The following JPH2 variants were observed in gnomAD, a reference collection of about 807,000 sequenced individuals.
JPH2 encodes junctophilin-2.
JPH2 carries 38 observed loss-of-function variants against 55.9 expected under a neutral mutation model. The ratio of observed to expected loss-of-function variants is 0.68; its 90% CI spans 0.52 to 0.89. The LOEUF is 0.89. Ranked by LOEUF, JPH2 falls within the 40% of genes least tolerant of loss-of-function variation. JPH2 has a pLI of 0.00. For synonymous variants in JPH2, 480 were observed against 472.4 expected (o/e 1.02, Z -0.21); for missense variants, 964 against 1,037.6 (o/e 0.93, Z 0.97).
rs1569180881 is a variant in JPH2, at chr20:44,115,897, T to C, written c.1778A>G (p.Glu593Gly). 2 of 1,576,994 alleles carry C rather than the reference T, an allele frequency of 1.3e-6. No homozygotes were observed. Among genetic ancestry groups the C allele is most frequent in the Non-Finnish European group, 1.7e-6 (2 of 1,167,778 alleles). ...GGTGGCCGGGGACGAGGGCGCGGAC[T>C]CGGACCCGGAGACCTCGGGCTCGGG... ...DQPEPEVSGS[E>G]SAPSSPATAP... is the part of the protein sequence containing the mutation. Residue 593 changes from glutamate to glycine, a missense_variant, in exon 4 of 6, where the codon GAG becomes GGG. Glu to Gly is a moderately conservative substitution (Grantham distance 98, BLOSUM62 -2). Transcript: ENST00000372980.
chr20:44,114,891 G>A lies in JPH2; in HGVS notation c.2011-15C>T, dbSNP rs755656916. On this transcript the variant is annotated splice_polypyrimidine_tract_variant and intron_variant, in intron 4 of 5. Transcript: ENST00000372980. Reference sequence around the variant, plus strand: ...GTGTTGGGGACCTGGGAGCAGTGGAGAGAGGCTTCCTGAGTCCCCATGGCC... The same window carrying A: ...GTGTTGGGGACCTGGGAGCAGTGGAAAGAGGCTTCCTGAGTCCCCATGGCC... 110 of 1,589,658 alleles carry A rather than the reference G, an allele frequency of 6.9e-5. No individual in the cohort carries two copies. Among genetic ancestry groups the A allele is most frequent in the Middle Eastern group, 1.7e-4 (1 of 6,042 alleles).
At chr20:44,154,377 C>T (rs886908172) in intron 2 of JPH2, among the ~76,000 whole-genome samples, 1 of 152,192 alleles carries the variant, frequency 6.6e-6, no homozygotes, top group African/African-American at 2.4e-5. Flanking sequence ...ACATTCTTTT[C>T]ATACTAAGTA....
rs1569194248 is a variant in JPH2 at position 44,134,467 on chromosome 20, T to TATAATATATATTTATTAATATATA, written c.1170-15845_1170-15844insTATATATTAATAAATATATATTAT. 2.1e-3 allele frequency among the ~76,000 whole-genome samples: 4 copies of TATAATATATATTTATTAATATATA among 1,904 alleles called. 2 individuals are homozygous for TATAATATATATTTATTAATATATA. The highest frequency in any genetic ancestry group is 8.4e-3 in the African/African-American group (2 of 238). The allele number at this position is 1,904 out of a possible 152,430, so 1.2% of individuals were successfully genotyped here. A position where few individuals can be genotyped will look rare whatever the true frequency, so the allele number is the denominator to read the frequency against. ...TAAATATATATTTATTATAAATATA[T>TATAATATATATTTATTAATATATA]ATAAATATATATTTATAATATATAT... is the stretch of plus-strand genomic sequence containing the variant. On this transcript the variant is annotated intron_variant, in intron 2 of 5. Coordinates refer to ENST00000372980, the MANE Select transcript of JPH2 (RefSeq NM_020433.5).
chr20:44,127,898 C>A (rs1032589500), intron 2 of JPH2, among the ~76,000 whole-genome samples: 4 of 152,162 alleles, frequency 2.6e-5, no homozygotes, highest in African/African-American at 9.7e-5. Context: ...CTATGTGCTT[C>A]ACGGCTGCTT....
At chr20:44,118,159 G>C (rs2072207568) in intron 3 of JPH2, among the ~76,000 whole-genome samples, 1 of 152,080 alleles carries the variant, frequency 6.6e-6, no homozygotes, top group Non-Finnish European at 1.5e-5. Context: ...CTCAATGCTT[G>C]ACTGAAACTG....
At chr20:44,143,291 G>A (rs2072471246) in intron 2 of JPH2, among the ~76,000 whole-genome samples, 1 of 152,112 alleles carries the variant, frequency 6.6e-6, no homozygotes, top group Non-Finnish European at 1.5e-5. Flanking sequence ...AACACCCCCG[G>A]TGCCTGCCTC....
intron 1 of JPH2, among the ~76,000 whole-genome samples, chr20:44,179,139 A>T (rs531876853): frequency 6.6e-6 from 1 of 152,350 alleles, no homozygotes; most frequent in South Asian, 2.1e-4. Flanking sequence ...TAATAAAAGC[A>T]CTAACACATG....
rs189822195 is a variant in JPH2 at position 44,181,100 on chromosome 20, G to C, written c.379+5227C>G. On this transcript the variant is annotated intron_variant, in intron 1 of 5. Transcript: ENST00000372980. ...CAGGGTTTGGGAGGCCAGAGCTCCT[G>C]CACCAGCCCCACCTTCCCCTTCCCA... Among the ~76,000 whole-genome samples the C allele has an allele frequency of 1.4e-4, 22 of 152,222 alleles. No homozygotes were observed. The East Asian group carries it at 3.7e-3, about 25-fold the overall frequency.
In JPH2 at chr20:44,118,486, CT is replaced by C; in HGVS notation, c.1288+18del. 1 of 1,595,328 alleles carries C rather than the reference CT, an allele frequency of 6.3e-7. No homozygotes were observed. The highest frequency in any genetic ancestry group is 8.6e-7 in the Non-Finnish European group (1 of 1,165,410). On this transcript the variant is annotated intron_variant, in intron 3 of 5. Coordinates refer to ENST00000372980, the MANE Select transcript of JPH2 (RefSeq NM_020433.5). ...TAGGGATAGCCCTACCCTGCCCATCCTTCCCTGGCTGGCCCTACCTGGCTGG... is the reference window on the plus strand; with the variant it reads ...TAGGGATAGCCCTACCCTGCCCATCCTCCCTGGCTGGCCCTACCTGGCTGG...
intron 1 of JPH2, among the ~76,000 whole-genome samples, chr20:44,175,621 C>T (rs563758598): frequency 2.0e-5 from 3 of 152,294 alleles, no homozygotes; most frequent in South Asian, 4.1e-4. Flanking sequence ...CAGGTTGCAG[C>T]GGGTGGATGA....
intron 2 of JPH2, among the ~76,000 whole-genome samples, chr20:44,149,464 T>C (rs1272967077): frequency 6.6e-6 from 1 of 152,252 alleles, no homozygotes; most frequent in Admixed American, 6.5e-5. Flanking sequence ...TATGTGTGCA[T>C]GTGCATGTGT....
At chr20:44,157,341 C>T (rs1279356244) in intron 2 of JPH2, among the ~76,000 whole-genome samples, 3 of 152,138 alleles carry the variant, frequency 2.0e-5, no homozygotes, top group Non-Finnish European at 4.4e-5. Flanking sequence ...GATCCAGCTC[C>T]CTCATCCCAA....
chr20:44,165,322 T>C (rs2072648820), intron 1 of JPH2, among the ~76,000 whole-genome samples: 3 of 151,334 alleles, frequency 2.0e-5, no homozygotes, highest in African/African-American at 7.3e-5. Flanking sequence ...CAACCCAGCA[T>C]AGCATTCTGC....
rs76182424 is a variant in JPH2, at chr20:44,110,428, GTT to G, written c.*3088_*3089del. ...ATTCCAGAGTTTTGAAAACTTTTGT[GTT>G]TTTTTTTTTTTCCAGATGGAGTCTT... On this transcript the variant is annotated 3_prime_UTR_variant, in exon 6 of 6. Coordinates refer to ENST00000372980, the MANE Select transcript of JPH2 (RefSeq NM_020433.5). Among the ~76,000 whole-genome samples, 61,899 of 147,198 alleles carry G rather than the reference GTT, an allele frequency of 0.42. 13,116 individuals are homozygous for G. The highest frequency in any genetic ancestry group is 0.51 in the African/African-American group (20,540 of 40,346).
chr20:44,128,662 A>T (rs138946356), intron 2 of JPH2, among the ~76,000 whole-genome samples: 1 of 152,124 alleles, frequency 6.6e-6, no homozygotes, highest in Admixed American at 6.5e-5. Flanking sequence ...AAAAATTGCT[A>T]TTAATATTTT....
chr20:44,138,227 C>T (rs1175141994), intron 2 of JPH2, among the ~76,000 whole-genome samples: 1 of 151,978 alleles, frequency 6.6e-6, no homozygotes. Context: ...AGGCTGGTCT[C>T]GAACTCCTGA....
chr20:44,166,358 A>T (rs1198187818), intron 1 of JPH2, among the ~76,000 whole-genome samples: 3 of 152,242 alleles, frequency 2.0e-5, no homozygotes, highest in African/African-American at 7.2e-5. Context: ...AGAAATTTTT[A>T]AAAATGAAAG....
rs146125983 is a variant in JPH2, at chr20:44,160,836, C to T, written c.380-429G>A. Among the ~76,000 whole-genome samples the T allele has an allele frequency of 6.6e-6, 1 of 152,328 alleles. No individual in the cohort carries two copies. The highest frequency in any genetic ancestry group is 2.4e-5 in the African/African-American group (1 of 41,566). ...AGGTGGCTCACGCCTGTAATCCCAG[C>T]ACTTGGGAAGGTGGAGGCGGATGGA... is the stretch of plus-strand genomic sequence containing the variant. On this transcript the variant is annotated intron_variant, in intron 1 of 5. Transcript: ENST00000372980. This position sits in a 1 kb window ranked among gnomAD's most constrained non-coding sequence, Gnocchi z 4.9.
rs1273275515 is a variant in JPH2 at position 44,106,623 on chromosome 20, T to A, written c.*6895A>T. Among the ~76,000 whole-genome samples, 1 of 152,090 alleles carries A rather than the reference T, an allele frequency of 6.6e-6. No homozygotes were observed. Among genetic ancestry groups the A allele is most frequent in the Non-Finnish European group, 1.5e-5 (1 of 68,022 alleles). On this transcript the variant is annotated 3_prime_UTR_variant, in exon 6 of 6. Transcript: ENST00000372980. ...AGAAAGGTTTAATGGGACTCACAGTTCCAAGTGGCTAGGGAAGCCTCACAA... is the reference window on the plus strand; with the variant it reads ...AGAAAGGTTTAATGGGACTCACAGTACCAAGTGGCTAGGGAAGCCTCACAA...
Sources: gnomAD v4.1 joint callset for allele counts (sites outside exome capture counted in the v4.1 genomes callset) on GRCh38, gnomAD v4.1.1 for gene constraint, Gnocchi (gnomAD v3.1) non-coding constraint, MANE v1.5 for transcripts, NCBI Gene and HGNC (gene_info 2026-07-23, HGNC 2026-07-21) for gene names.